The following DNPEP variants were observed in gnomAD, a reference collection of about 807,000 sequenced individuals.
The protein encoded by DNPEP is aspartyl aminopeptidase.
In DNPEP, 46 loss-of-function variants were observed where a neutral mutation model predicts 59.1. That is an observed-to-expected ratio of 0.78 (90% CI 0.61 to 0.99). The LOEUF (loss-of-function observed/expected upper bound fraction) is 0.99, where lower values mean the gene tolerates loss of function less well. Ranked by LOEUF, DNPEP falls within the 50% of genes least tolerant of loss-of-function variation. The probability of loss-of-function intolerance (pLI) is 0.00; values close to 1 mark genes in which losing one functional copy is unlikely to be tolerated. For synonymous variants in DNPEP, 229 were observed against 242.2 expected (o/e 0.95, Z 0.50); for missense variants, 617 against 649.9 (o/e 0.95, Z 0.55).
In DNPEP at chr2:219,387,801, T is replaced by C. The variant is rs760410554; in HGVS notation, c.-7A>G. Reference sequence around the variant, plus strand: ...TGGGGCTGTGTCCGCTCATCTGGCCTCCGGGCTCGGCCCGCCCCCACCGCG... The same window carrying C: ...TGGGGCTGTGTCCGCTCATCTGGCCCCCGGGCTCGGCCCGCCCCCACCGCG... On this transcript the variant is annotated 5_prime_UTR_variant, in exon 1 of 15. Transcript: ENST00000273075. The C allele has an allele frequency of 6.3e-7, 1 of 1,585,478 alleles. No homozygotes were observed. The highest frequency in any genetic ancestry group is 1.1e-5 in the South Asian group (1 of 89,168).
chr2:219,377,277 CAAAAAAAAAAAAAAA>C (rs386392672), intron 13 of DNPEP, among the ~76,000 whole-genome samples: 3,268 of 66,152 alleles, frequency 0.049, 97 homozygotes, highest in Admixed American at 0.082. Flanking sequence ...CTCACTCTGT[CAAAAAAAAAAAAAAA>C]AAAAAAAAAA....
intron 11 of DNPEP, 45 bp downstream of exon 11, chr2:219,381,934 G>A: frequency 6.2e-7 from 1 of 1,605,130 alleles, no homozygotes; most frequent in Non-Finnish European, 8.5e-7. Context: ...TTATGCTTGG[G>A]TCTCCAGCTA....
rs111341905 is a variant in DNPEP, at chr2:219,394,836, C to G, written c.-158+5104G>C. The stretch of plus-strand genomic sequence containing the variant: ...TGTCTTAATCTGAACTCCTTGTTCC[C>G]CAAACCTATTCCATCCACATTCTTC... On this transcript the variant is annotated intron_variant, in intron 1 of 6. Coordinates refer to the DNPEP transcript ENST00000434339. 8.6e-3 allele frequency among the ~76,000 whole-genome samples: 1,303 copies of G among 152,230 alleles called. 14 individuals carry two copies. Among genetic ancestry groups the G allele is most frequent in the African/African-American group, 0.029 (1,214 of 41,530 alleles).
chr2:219,387,357 G>C (rs1489066764), intron 1 of DNPEP, 194 bp from the exon 2 acceptor site: 5 of 1,442,468 alleles, frequency 3.5e-6, no homozygotes, highest in Non-Finnish European at 4.6e-6. Flanking sequence ...GCCGGCCCAG[G>C]ATCATGAGCC....
In DNPEP at chr2:219,373,056, CTT is replaced by C. The variant is rs1202407399; in HGVS notation, c.*1234_*1235del. Among the ~76,000 whole-genome samples the C allele has an allele frequency of 6.6e-6, 1 of 151,210 alleles. No individual in the cohort carries two copies. Among genetic ancestry groups the C allele is most frequent in the African/African-American group, 2.4e-5 (1 of 41,130 alleles). On this transcript the variant is annotated 3_prime_UTR_variant, in exon 15 of 15. Transcript: ENST00000273075. ...GGAAGGAGGTTGGTTTATAAGCAGG[CTT>C]TGACTTTTTCTTTTTCTTTTTTTTT...
chr2:219,381,844 G>C (rs1953616123), intron 11 of DNPEP, 135 bp downstream of exon 11: 4 of 1,139,276 alleles, frequency 3.5e-6, no homozygotes, highest in South Asian at 1.5e-5. Context: ...GTAGTGAAAA[G>C]GAAGTGCCCG....
At chr2:219,376,496 A>AAG (rs1257384212) in intron 13 of DNPEP, among the ~76,000 whole-genome samples, 1 of 151,936 alleles carries the variant, frequency 6.6e-6, no homozygotes, top group African/African-American at 2.4e-5. Context: ...TAAAAAAAAA[A>AAG]AAAGAAAAAG....
Position 219,385,593 on chromosome 2 carries a change from A to T in DNPEP, c.666+38T>A, listed in dbSNP as rs751831593. ...TCCTCTCCTCCCCACTTCTCAGGGG[A>T]CTCTGCCGCCCTCCCCATGATCAGG... On this transcript the variant is annotated intron_variant, in intron 7 of 14. Transcript: ENST00000273075. 9.3e-6 allele frequency: 15 copies of T among 1,609,966 alleles called. No homozygotes were observed. In the East Asian group the frequency reaches 3.1e-4, roughly 34 times the overall value.
intron 5 of DNPEP, 51 bp from the exon 6 acceptor site, chr2:219,386,149 C>T (rs770148508): frequency 1.2e-6 from 2 of 1,604,538 alleles, no homozygotes; most frequent in South Asian, 1.1e-5. Flanking sequence ...CCCCAGTGGT[C>T]AGTCTTTACT....
intron 1 of DNPEP, among the ~76,000 whole-genome samples, chr2:219,394,943 C>A (rs1367615091): frequency 6.6e-6 from 1 of 151,972 alleles, no homozygotes; most frequent in African/African-American, 2.4e-5. Flanking sequence ...AGACCCAGAG[C>A]CAGCAAACAA....
Position 219,374,962 on chromosome 2 carries a change from G to T in DNPEP, c.1300C>A (p.Arg434=), listed in dbSNP as rs1205145716. ...GTTIGPILAS[R]LGLRVLDLGS... is the part of the protein sequence containing the mutation. ...AAATCCAGCACCCGCAGCCCCAGCC[G>T]AGAAGCCAAGATAGGTCCAATGGTG... Residue 434 remains arginine, a synonymous_variant, in exon 14 of 15, where the codon CGG becomes AGG. Transcript: ENST00000273075. 4 of 1,614,028 alleles carry T rather than the reference G, an allele frequency of 2.5e-6. No individual in the cohort carries two copies. In the African/African-American group the frequency reaches 5.3e-5, roughly 22 times the overall value.
chr2:219,384,594 GGT>G, intron 8 of DNPEP, 151 bp from the exon 9 acceptor site: 12 of 564,406 alleles, frequency 2.1e-5, no homozygotes, highest in Non-Finnish European at 2.6e-5. Flanking sequence ...TTGAGATGAA[GGT>G]TCGCTCTTGT....
At chr2:219,398,991 AG>A in intron 1 of DNPEP, among the ~76,000 whole-genome samples, 1 of 152,362 alleles carries the variant, frequency 6.6e-6, no homozygotes, top group South Asian at 2.1e-4. Flanking sequence ...TTTAGTGAAC[AG>A]GGCTGTTTAC....
chr2:219,378,323 C>G (rs1010586649), intron 13 of DNPEP, among the ~76,000 whole-genome samples: 2 of 152,212 alleles, frequency 1.3e-5, no homozygotes, highest in African/African-American at 2.4e-5. Context: ...CCTTTCTCTC[C>G]TCCTAAAAGA....
chr2:219,399,891 T>C, intron 1 of DNPEP: 2 of 1,550,546 alleles, frequency 1.3e-6, no homozygotes, highest in Non-Finnish European at 1.7e-6. Flanking sequence ...GAGCCAGCTG[T>C]TGGGGACGAA....
At chr2:219,391,057 C>T (rs939043719), upstream of DNPEP, among the ~76,000 whole-genome samples, 1 of 152,134 alleles carries the variant, frequency 6.6e-6, no homozygotes, top group African/African-American at 2.4e-5. Context: ...CCTACTATTA[C>T]CATAAATCCT....
At chr2:219,382,214 A>G in intron 10 of DNPEP, 75 bp from the exon 11 acceptor site, 1 of 1,522,536 alleles carries the variant, frequency 6.6e-7, no homozygotes, top group East Asian at 2.3e-5. Flanking sequence ...AGAGGGGCCC[A>G]TTGCCCAACT....
At chr2:219,391,638 T>C, upstream of DNPEP, among the ~76,000 whole-genome samples, 1 of 152,208 alleles carries the variant, frequency 6.6e-6, no homozygotes, top group Non-Finnish European at 1.5e-5. Context: ...CAATCAGTTC[T>C]CATGAGCTTG....
rs1953563291 is a variant in DNPEP at position 219,380,839 on chromosome 2, ATG to A, written c.1239+494_1239+495del. Reference sequence around the variant, plus strand: ...ATACATACATGTATACAACATATATATGTACACACACACACACACACACTGAG... The same window carrying A: ...ATACATACATGTATACAACATATATATACACACACACACACACACACTGAG... On this transcript the variant is annotated intron_variant, in intron 13 of 14. Coordinates refer to ENST00000273075, the MANE Select transcript of DNPEP (RefSeq NM_012100.4). Among the ~76,000 whole-genome samples, 4 of 138,516 alleles carry A rather than the reference ATG, an allele frequency of 2.9e-5. No individual in the cohort carries two copies. The South Asian group carries it at 9.5e-4, about 33-fold the overall frequency. 90.9% of individuals were successfully genotyped at this position (138,516 alleles called of 152,430 possible). A position where few individuals can be genotyped will look rare whatever the true frequency, so the allele number is the denominator to read the frequency against.
Sources: allele counts gnomAD v4.1 joint callset (sites outside exome capture counted in the v4.1 genomes callset), GRCh38; gene constraint gnomAD v4.1.1; transcripts MANE v1.5; gene names NCBI Gene and HGNC (gene_info 2026-07-23, HGNC 2026-07-21).